The following MAN2A1 variants were observed in gnomAD, a reference collection of about 807,000 sequenced individuals.
The protein encoded by MAN2A1 is alpha-mannosidase 2.
A neutral mutation model predicts 142.6 loss-of-function variants in MAN2A1; 76 were observed. That is an observed-to-expected ratio of 0.53 (90% CI 0.44 to 0.65). The LOEUF is 0.65. Among genes scored for constraint, MAN2A1 ranks in the 30% least tolerant of loss-of-function variants. The pLI is 0.00. For missense variants in MAN2A1, 1,311 were observed against 1,365.1 expected, an observed-to-expected ratio of 0.96 and a Z score of 0.62; for synonymous variants, 559 against 473.2, an observed-to-expected ratio of 1.18 and a Z score of -2.35.
At chr5:109,750,158 T>G (rs368813915) in intron 4 of MAN2A1, among the ~76,000 whole-genome samples, 1 of 152,188 alleles carries the variant, frequency 6.6e-6, no homozygotes, top group African/African-American at 2.4e-5. Context: ...GGTTGACAAT[T>G]TTCTTTGTTT....
chr5:109,814,384 T>G (rs1249812075), intron 12 of MAN2A1, among the ~76,000 whole-genome samples: 2 of 152,188 alleles, frequency 1.3e-5, no homozygotes, highest in Non-Finnish European at 2.9e-5. Context: ...ATTAAGTTAT[T>G]TATGATTGTA....
At chr5:109,791,929 T>C (rs921452990) in intron 12 of MAN2A1, among the ~76,000 whole-genome samples, 2 of 152,110 alleles carry the variant, frequency 1.3e-5, no homozygotes, top group Non-Finnish European at 2.9e-5. Context: ...TTTGTAAGTA[T>C]TTAAAAAGTA....
At chr5:109,691,111 C>T (rs1750658718) in intron 1 of MAN2A1, among the ~76,000 whole-genome samples, 4 of 151,874 alleles carry the variant, frequency 2.6e-5, no homozygotes, top group Non-Finnish European at 5.9e-5. Context: ...ATTTTAGTGT[C>T]GTCATTCTTC....
rs60333109 is a variant in MAN2A1 at position 109,714,989 on chromosome 5, C to CAA, written c.391-1114_391-1113dup. On this transcript the variant is annotated intron_variant, in intron 2 of 21. Coordinates refer to ENST00000261483, the MANE Select transcript of MAN2A1 (RefSeq NM_002372.4). ...GTTGTCATCCATGATAAGGGAACAGCAAAAAAAAAAAAAAAAAATTATTTT... is the reference window on the plus strand; with the variant it reads ...GTTGTCATCCATGATAAGGGAACAGCAAAAAAAAAAAAAAAAAAAATTATTTT... Among the ~76,000 whole-genome samples the CAA allele has an allele frequency of 1.9e-3, 221 of 118,060 alleles. 1 individual carries two copies. The highest frequency in any genetic ancestry group is 3.4e-3 in the African/African-American group (117 of 34,228). The allele number at this position is 118,060 out of a possible 152,430, so 77.5% of individuals were successfully genotyped here.
Position 109,847,640 on chromosome 5 carries a change from G to T in MAN2A1, c.2843-17G>T, listed in dbSNP as rs11241041. ...TTATTCTGGTCAGTTTTGCTTGTTT[G>T]TTTGTTTGTGTGTTAGGTCAGATTG... On this transcript the variant is annotated splice_polypyrimidine_tract_variant and intron_variant, in intron 18 of 21. Transcript: ENST00000261483. 0.18 allele frequency: 272,909 copies of T among 1,494,598 alleles called. 31,854 individuals carry two copies. Among genetic ancestry groups the T allele is most frequent in the East Asian group, 0.63 (24,337 of 38,580 alleles). The allele number at this position is 1,494,598 out of a possible 1,614,324, so 92.6% of individuals were successfully genotyped here.
chr5:109,866,849 T>C lies in MAN2A1; in HGVS notation c.3286T>C (p.Leu1096=), dbSNP rs1159299929. ...LFCSTTQGKI[L]VQKLLNKFIV... is the part of the protein sequence containing the mutation. ...AATTTTATCATTTACTTTTCAGATA[T>C]TGGTACAGAAACTTTTAAACAAGTT... Residue 1096 remains leucine, a synonymous_variant, in exon 22 of 22, where the codon TTG becomes CTG. Transcript: ENST00000261483. The C allele has an allele frequency of 1.0e-5, 16 of 1,597,452 alleles. No homozygotes were observed. The highest frequency in any genetic ancestry group is 1.3e-5 in the Non-Finnish European group (15 of 1,169,666).
At chr5:109,755,264 T>A in intron 4 of MAN2A1, 65 bp from the exon 5 acceptor site, 1 of 1,264,220 alleles carries the variant, frequency 7.9e-7, no homozygotes, top group Non-Finnish European at 1.1e-6. Context: ...TTTATGCTTG[T>A]TTAGTTTTTC....
intron 17 of MAN2A1, among the ~76,000 whole-genome samples, chr5:109,845,175 C>T (rs1755315219): frequency 6.6e-6 from 1 of 152,058 alleles, no homozygotes; most frequent in Non-Finnish European, 1.5e-5. Context: ...CATTAAGATT[C>T]ACTGATAATA....
At chr5:109,731,717 T>C (rs1032930831) in intron 4 of MAN2A1, among the ~76,000 whole-genome samples, 13 of 151,972 alleles carry the variant, frequency 8.6e-5, no homozygotes, top group African/African-American at 2.9e-4. Flanking sequence ...CTGCATAGTA[T>C]TCCATGGTGT....
chr5:109,868,667 C>T lies in MAN2A1; in HGVS notation c.*1669C>T, dbSNP rs953846704. Reference sequence around the variant, plus strand: ...ACCTTTAATAATTAAGGAAACAATACCAGTGTTGATAAAGATATTACAAGG... The same window carrying T: ...ACCTTTAATAATTAAGGAAACAATATCAGTGTTGATAAAGATATTACAAGG... On this transcript the variant is annotated 3_prime_UTR_variant, in exon 22 of 22. Coordinates refer to ENST00000261483, the MANE Select transcript of MAN2A1 (RefSeq NM_002372.4). The T allele has an allele frequency of 6.6e-6, 1 of 152,012 alleles. No individual in the cohort carries two copies. The allele number at this position is 152,012 out of a possible 1,614,324, so 9.4% of individuals were successfully genotyped here.
intron 3 of MAN2A1, among the ~76,000 whole-genome samples, chr5:109,729,088 A>G (rs1271715359): frequency 1.3e-5 from 2 of 152,120 alleles, no homozygotes; most frequent in African/African-American, 4.8e-5. Flanking sequence ...GCCTTAGGTC[A>G]TCTATCTTAT....
At chr5:109,740,419 C>G (rs892103799) in intron 4 of MAN2A1, among the ~76,000 whole-genome samples, 2 of 152,156 alleles carry the variant, frequency 1.3e-5, no homozygotes, top group Non-Finnish European at 2.9e-5. Context: ...GGCCTGTAAG[C>G]CAGGTAGGAG....
intron 12 of MAN2A1, among the ~76,000 whole-genome samples, chr5:109,792,811 G>A (rs1340139042): frequency 1.3e-5 from 2 of 151,998 alleles, no homozygotes; most frequent in Non-Finnish European, 2.9e-5. Context: ...AGTTGGAGCT[G>A]TTAGCTGCCA....
chr5:109,765,118 A>G (rs1294338556), intron 5 of MAN2A1, among the ~76,000 whole-genome samples: 1 of 152,194 alleles, frequency 6.6e-6, no homozygotes, highest in Non-Finnish European at 1.5e-5. Flanking sequence ...GGCTGTATTC[A>G]GATTTTGTCA....
intron 3 of MAN2A1, among the ~76,000 whole-genome samples, chr5:109,721,465 G>A (rs1440102978): frequency 2.0e-5 from 3 of 152,118 alleles, no homozygotes; most frequent in African/African-American, 7.2e-5. Context: ...TAGTTTGTGT[G>A]TGTGTGTTTG....
chr5:109,774,717 T>G (rs562338284), intron 7 of MAN2A1, 71 bp from the exon 8 acceptor site: 1 of 1,139,280 alleles, frequency 8.8e-7, no homozygotes, highest in Admixed American at 2.5e-5. Context: ...TCCTTTTTAA[T>G]CAATTGTCAC....
At chr5:109,696,789 G>A (rs1306493717) in intron 1 of MAN2A1, among the ~76,000 whole-genome samples, 1 of 152,176 alleles carries the variant, frequency 6.6e-6, no homozygotes, top group Non-Finnish European at 1.5e-5. Flanking sequence ...GCACTTCTGT[G>A]TTTTAGGAAG....
chr5:109,786,919 A>G (rs1460960775), intron 10 of MAN2A1, among the ~76,000 whole-genome samples: 2 of 152,056 alleles, frequency 1.3e-5, no homozygotes, highest in Non-Finnish European at 2.9e-5. Flanking sequence ...GCAGCTCTGC[A>G]GTGTCATCAG....
chr5:109,755,731 A>G (rs568580661), intron 5 of MAN2A1, among the ~76,000 whole-genome samples: 19 of 127,534 alleles, frequency 1.5e-4, no homozygotes, highest in African/African-American at 6.4e-4. Flanking sequence ...TTAAGACTTG[A>G]TGACAAGAGG....
Sources: allele counts gnomAD v4.1 joint callset (sites outside exome capture counted in the v4.1 genomes callset), GRCh38; gene constraint gnomAD v4.1.1; transcripts MANE v1.5; gene names NCBI Gene and HGNC (gene_info 2026-07-23, HGNC 2026-07-21).